EIF4G3: variants seen among roughly 807,000 people sequenced by gnomAD.
The protein encoded by EIF4G3 is eIF-4-gamma 3.
EIF4G3 carries 34 observed loss-of-function variants against 186.4 expected under a neutral mutation model. That is an observed-to-expected ratio of 0.18 (90% CI 0.14 to 0.24). The LOEUF is 0.24. EIF4G3 is among the 10% of genes least tolerant of loss of function. The pLI, the probability that EIF4G3 is intolerant of heterozygous loss-of-function variation, is 1.00. For missense variants in EIF4G3, 1,536 were observed against 1,948.5 expected (o/e 0.79, Z 3.99); for synonymous variants, 673 against 679.5 (o/e 0.99, Z 0.15).
chr1:20,896,688 T>C (rs1041059176), intron 16 of EIF4G3, among the ~76,000 whole-genome samples: 4 of 152,198 alleles, frequency 2.6e-5, no homozygotes, highest in African/African-American at 7.2e-5. Context: ...CCTAGGCTTT[T>C]ACATTCACTC....
At chr1:20,988,097 A>C (rs1012576960) in intron 7 of EIF4G3, among the ~76,000 whole-genome samples, 1 of 152,246 alleles carries the variant, frequency 6.6e-6, no homozygotes, top group African/African-American at 2.4e-5. Context: ...TCTCATTTCA[A>C]TTCTGTGAAG....
intron 2 of EIF4G3, among the ~76,000 whole-genome samples, chr1:21,123,960 C>A (rs1048093385): frequency 6.6e-6 from 1 of 152,056 alleles, no homozygotes; most frequent in Non-Finnish European, 1.5e-5. Flanking sequence ...TTAAGATATT[C>A]TTCAAATATC....
At chr1:21,164,610 C>T (rs1318524830) in intron 2 of EIF4G3, among the ~76,000 whole-genome samples, 1 of 151,996 alleles carries the variant, frequency 6.6e-6, no homozygotes. Context: ...CCTATAATCC[C>T]GCATTTTGGA....
intron 13 of EIF4G3, 26 bp downstream of exon 13, chr1:20,949,977 A>C: frequency 6.4e-7 from 1 of 1,569,134 alleles, no homozygotes; most frequent in Middle Eastern, 1.7e-4. Context: ...TAAAGATAAG[A>C]GGGAGGAAAA....
intron 20 of EIF4G3, among the ~76,000 whole-genome samples, chr1:20,865,744 A>AT (rs1342219080): frequency 1.3e-5 from 2 of 152,034 alleles, no homozygotes; most frequent in Middle Eastern, 3.2e-3. Flanking sequence ...ATACTGGGGG[A>AT]TTTTTGAGAT....
intron 19 of EIF4G3, among the ~76,000 whole-genome samples, chr1:20,884,815 G>C (rs769739661): frequency 2.6e-5 from 4 of 152,078 alleles, no homozygotes; most frequent in Non-Finnish European, 5.9e-5. Flanking sequence ...CTTATTTACT[G>C]AACAATTATT....
intron 3 of EIF4G3, among the ~76,000 whole-genome samples, chr1:21,076,978 G>C (rs1250644062): frequency 6.6e-6 from 1 of 152,016 alleles, no homozygotes; most frequent in African/African-American, 2.4e-5. Context: ...CAAATTTAAG[G>C]AAACAGTCAA....
At chr1:20,821,404 A>C (rs1011888010) in intron 33 of EIF4G3, among the ~76,000 whole-genome samples, 1 of 151,938 alleles carries the variant, frequency 6.6e-6, no homozygotes, top group African/African-American at 2.4e-5. Flanking sequence ...AATTTATCAG[A>C]CTCTTTTTTC....
At chr1:21,077,273 T>C (rs1223841071) in intron 3 of EIF4G3, among the ~76,000 whole-genome samples, 1 of 151,828 alleles carries the variant, frequency 6.6e-6, no homozygotes, top group Non-Finnish European at 1.5e-5. Context: ...GGAGGCAGCA[T>C]GCTTGTAGTC....
At chr1:20,990,289 C>T (rs34740989) in intron 7 of EIF4G3, among the ~76,000 whole-genome samples, 60,077 of 152,090 alleles carry the variant, frequency 0.4, 12,633 homozygotes, top group Middle Eastern at 0.53. Context: ...CCTGATCAGT[C>T]AGCACCCATC....
At chr1:21,088,051 A>G (rs2096056488) in intron 3 of EIF4G3, among the ~76,000 whole-genome samples, 1 of 151,918 alleles carries the variant, frequency 6.6e-6, no homozygotes, top group Admixed American at 6.6e-5. Flanking sequence ...ATCCATAATC[A>G]TGCCACTGCA....
At chr1:20,857,783 C>G (rs557134528) in intron 24 of EIF4G3, among the ~76,000 whole-genome samples, 4 of 152,304 alleles carry the variant, frequency 2.6e-5, no homozygotes, top group African/African-American at 9.6e-5. Context: ...CTGGAGAAGG[C>G]AGGGCTAAAT....
intron 4 of EIF4G3, among the ~76,000 whole-genome samples, chr1:21,023,503 G>C (rs1289269829): frequency 2.6e-5 from 4 of 152,020 alleles, no homozygotes; most frequent in African/African-American, 9.7e-5. Context: ...CGAGTGATCC[G>C]CCAGCCTCGG....
intron 32 of EIF4G3, among the ~76,000 whole-genome samples, chr1:20,826,645 A>G (rs2063732989): frequency 6.6e-6 from 1 of 151,708 alleles, no homozygotes; most frequent in Non-Finnish European, 1.5e-5. Context: ...GCGTGCCACC[A>G]TGCCTGGCTA....
rs563753825 is a variant in EIF4G3 at position 21,042,802 on chromosome 1, A to G, written c.-67+8064T>C. Reference sequence around the variant, plus strand: ...TCACATATACATTTTTGCAGGAACTATCACAAGCACTTTAAATTGAAGAGT... The same window carrying G: ...TCACATATACATTTTTGCAGGAACTGTCACAAGCACTTTAAATTGAAGAGT... On this transcript the variant is annotated intron_variant, in intron 4 of 36. Transcript: ENST00000602326. Among the ~76,000 whole-genome samples the G allele has an allele frequency of 7.9e-4, 121 of 152,328 alleles. 3 individuals carry two copies. The South Asian group carries it at 0.017, about 21-fold the overall frequency.
intron 2 of EIF4G3, among the ~76,000 whole-genome samples, chr1:21,121,442 GAACT>G (rs2096922815): frequency 2.6e-5 from 4 of 151,902 alleles, no homozygotes; most frequent in African/African-American, 9.7e-5. Context: ...AGAAATATGC[GAACT>G]GAGTATTGAA....
intron 22 of EIF4G3, 75 bp from the exon 23 acceptor site, chr1:20,862,407 T>C: frequency 2.2e-6 from 2 of 897,420 alleles, no homozygotes; most frequent in Non-Finnish European, 3.4e-6. Context: ...AGTTATTTAT[T>C]TATGTAGTTA....
chr1:20,849,350 A>C, intron 29 of EIF4G3, 65 bp downstream of exon 29: 4 of 851,398 alleles, frequency 4.7e-6, no homozygotes, highest in Non-Finnish European at 7.0e-6. Flanking sequence ...TTTAGACCAG[A>C]ACCAAGTTAT....
At chr1:20,857,838 A>G (rs1023212689) in intron 24 of EIF4G3, among the ~76,000 whole-genome samples, 1 of 152,272 alleles carries the variant, frequency 6.6e-6, no homozygotes, top group Non-Finnish European at 1.5e-5. Context: ...CGGAGAAGTC[A>G]GATGGAAATT....
Sources: allele counts gnomAD v4.1 joint callset (sites outside exome capture counted in the v4.1 genomes callset), GRCh38; gene constraint gnomAD v4.1.1; transcripts MANE v1.5; gene names NCBI Gene and HGNC (gene_info 2026-07-23, HGNC 2026-07-21).